NLGN1: variants seen among roughly 807,000 people sequenced by gnomAD.
The protein encoded by NLGN1 is neuroligin-1.
Under a neutral mutation model 65.5 loss-of-function variants are expected in NLGN1, and 12 were observed. That is an observed-to-expected ratio of 0.18 (90% CI 0.12 to 0.30). The LOEUF is 0.30. Ranked by LOEUF, NLGN1 falls within the 10% of genes least tolerant of loss-of-function variation. The pLI is 1.00. For synonymous variants in NLGN1, 350 were observed against 359.5 expected (o/e 0.97, Z 0.30); for missense variants, 750 against 1,007.1 (o/e 0.74, Z 3.46).
At chr3:173,525,751 C>G (rs1309244132) in intron 2 of NLGN1, among the ~76,000 whole-genome samples, 1 of 152,018 alleles carries the variant, frequency 6.6e-6, no homozygotes, top group Non-Finnish European at 1.5e-5. Context: ...AAGCTTTTCT[C>G]TTATCACTGC....
chr3:173,631,473 G>A (rs1334303308), intron 3 of NLGN1, among the ~76,000 whole-genome samples: 2 of 152,052 alleles, frequency 1.3e-5, no homozygotes, highest in Non-Finnish European at 2.9e-5. Context: ...TATGTTGAAG[G>A]GACGGCAAGT....
intron 4 of NLGN1, among the ~76,000 whole-genome samples, chr3:173,860,279 A>G (rs1005741265): frequency 2.6e-5 from 4 of 152,058 alleles, no homozygotes; most frequent in Non-Finnish European, 5.9e-5. Context: ...AGTTCTAGGC[A>G]TTTAGAAATT....
rs562527895 is a variant in NLGN1 at position 173,491,715 on chromosome 3, A to T, written c.-321+56637A>T. On this transcript the variant is annotated intron_variant, in intron 2 of 6. Coordinates refer to ENST00000457714, the Ensembl canonical transcript of NLGN1. ...TTCAATTATCCGCCATACATTTATG[A>T]CTTCCATATCTATATCTCTAGGATG... Among the ~76,000 whole-genome samples, 16 of 151,788 alleles carry T rather than the reference A, an allele frequency of 1.1e-4. 1 individual carries two copies. Among genetic ancestry groups the T allele is most frequent in the African/African-American group, 3.9e-4 (16 of 41,182 alleles).
intron 2 of NLGN1, among the ~76,000 whole-genome samples, chr3:173,482,060 T>G (rs1430314816): frequency 1.3e-5 from 2 of 151,992 alleles, no homozygotes; most frequent in East Asian, 3.8e-4. Flanking sequence ...CCCTCTCCAC[T>G]CTCCCTACAT....
intron 4 of NLGN1, among the ~76,000 whole-genome samples, chr3:173,813,956 A>G (rs1246313794): frequency 6.6e-6 from 1 of 152,250 alleles, no homozygotes; most frequent in South Asian, 2.1e-4. Flanking sequence ...TATTCTCAGT[A>G]TATGATTATT....
In NLGN1 at chr3:174,114,146, A is replaced by G. The variant is rs115260804; in HGVS notation, c.647-161169A>G. On this transcript the variant is annotated intron_variant, in intron 4 of 6. Transcript: ENST00000457714. ...GACAGAAATATATTTCCTCATCCTT[A>G]TCTAGGCTGAAGCATTGGCCTTAAT... Among the ~76,000 whole-genome samples, 547 of 152,264 alleles carry G rather than the reference A, an allele frequency of 3.6e-3. 3 individuals are homozygous for G. Among genetic ancestry groups the G allele is most frequent in the Non-Finnish European group, 5.7e-3 (390 of 68,000 alleles).
At chr3:173,996,222 T>G (rs1346563847) in intron 4 of NLGN1, among the ~76,000 whole-genome samples, 1 of 152,168 alleles carries the variant, frequency 6.6e-6, no homozygotes, top group Non-Finnish European at 1.5e-5. Flanking sequence ...ACATAATGGT[T>G]TCTTGTTAGT....
the NLGN1 span, among the ~76,000 whole-genome samples, chr3:174,293,220 T>G: frequency 6.6e-6 from 1 of 151,388 alleles, no homozygotes; most frequent in Non-Finnish European, 1.5e-5. Context: ...ATGTGGAGGT[T>G]TTTTTTGCAG....
chr3:173,535,873 G>A (rs996092428), intron 2 of NLGN1, among the ~76,000 whole-genome samples: 1 of 152,204 alleles, frequency 6.6e-6, no homozygotes, highest in African/African-American at 2.4e-5. Flanking sequence ...GGCATGCACA[G>A]ATGAATTTTG....
intron 4 of NLGN1, among the ~76,000 whole-genome samples, chr3:173,828,725 T>A (rs560598672): frequency 3.1e-4 from 47 of 152,004 alleles, no homozygotes; most frequent in Non-Finnish European, 5.1e-4. Context: ...AAGACGTGAT[T>A]GATGTGAGAA....
intron 4 of NLGN1, among the ~76,000 whole-genome samples, chr3:174,189,529 A>G (rs975522083): frequency 2.0e-5 from 3 of 152,036 alleles, no homozygotes; most frequent in African/African-American, 7.2e-5. Context: ...CTTAAGTTAT[A>G]TAATGTGAAA....
intron 4 of NLGN1, among the ~76,000 whole-genome samples, chr3:173,808,515 C>A (rs1236608216): frequency 1.3e-5 from 2 of 152,036 alleles, no homozygotes; most frequent in East Asian, 3.9e-4. Flanking sequence ...GGCATGTTAT[C>A]TTATACAATA....
At chr3:173,589,781 A>G (rs1168089829) in intron 2 of NLGN1, among the ~76,000 whole-genome samples, 1 of 152,176 alleles carries the variant, frequency 6.6e-6, no homozygotes. Context: ...AACCATAATG[A>G]TTCTTTTTTC....
intron 3 of NLGN1, among the ~76,000 whole-genome samples, chr3:173,763,781 G>A (rs183352916): frequency 6.6e-6 from 1 of 151,916 alleles, no homozygotes; most frequent in East Asian, 1.9e-4. Flanking sequence ...GAGGGATAAA[G>A]AGGAGGAAAA....
chr3:173,964,923 G>C (rs1252192361), intron 4 of NLGN1, among the ~76,000 whole-genome samples: 3 of 152,168 alleles, frequency 2.0e-5, no homozygotes, highest in Non-Finnish European at 4.4e-5. Context: ...TGTGGTAGCT[G>C]TTCAGATATG....
At chr3:173,940,973 T>C (rs1745983703) in intron 4 of NLGN1, among the ~76,000 whole-genome samples, 1 of 152,206 alleles carries the variant, frequency 6.6e-6, no homozygotes, top group African/African-American at 2.4e-5. Context: ...TACCCCATTT[T>C]CCATAATTAA....
chr3:174,274,326 G>T (rs576273761), intron 4 of NLGN1, among the ~76,000 whole-genome samples: 1 of 151,878 alleles, frequency 6.6e-6, no homozygotes, highest in Non-Finnish European at 1.5e-5. Flanking sequence ...AAAGCTATCA[G>T]GTCAGCTAAA....
At chr3:173,429,123 C>T (rs536556) in intron 1 of NLGN1, among the ~76,000 whole-genome samples, 123 of 152,034 alleles carry the variant, frequency 8.1e-4, no homozygotes, top group African/African-American at 2.8e-3. Flanking sequence ...TGGCGGTCGA[C>T]GGCTATTAGA....
intron 4 of NLGN1, among the ~76,000 whole-genome samples, chr3:174,187,542 T>C (rs1281455131): frequency 6.6e-6 from 1 of 152,034 alleles, no homozygotes; most frequent in Non-Finnish European, 1.5e-5. Flanking sequence ...ATGGATGACG[T>C]GGATTCTGTC....
Sources: gnomAD v4.1 joint callset for allele counts (sites outside exome capture counted in the v4.1 genomes callset) on GRCh38, gnomAD v4.1.1 for gene constraint, MANE v1.5 for transcripts, NCBI Gene and HGNC (gene_info 2026-07-23, HGNC 2026-07-21) for gene names.